The following PRDM15 variants were observed in gnomAD, a reference collection of about 807,000 sequenced individuals.
PRDM15 encodes the protein PR/SET domain 15.
A neutral mutation model predicts 128.6 loss-of-function variants in PRDM15; 64 were observed. The ratio of observed to expected loss-of-function variants is 0.50; its 90% CI spans 0.41 to 0.61. The LOEUF (loss-of-function observed/expected upper bound fraction) is 0.61. Among genes scored for constraint, PRDM15 ranks in the 20% least tolerant of loss-of-function variants. PRDM15 has a pLI of 0.00. For synonymous variants in PRDM15, 615 were observed against 621.8 expected, an observed-to-expected ratio of 0.99 and a Z score of 0.16; for missense variants, 1,242 against 1,569.1, an observed-to-expected ratio of 0.79 and a Z score of 3.52.
chr21:41,799,219 C>A lies in PRDM15; in HGVS notation c.*2021G>T, dbSNP rs1321595084. 2.0e-5 allele frequency: 3 copies of A among 152,132 alleles called. No individual in the cohort carries two copies. The highest frequency in any genetic ancestry group is 7.2e-5 in the African/African-American group (3 of 41,420). The allele number at this position is 152,132 out of a possible 1,614,324, so 9.4% of individuals were successfully genotyped here. ...GCCCAAAGCCCGTTGGGAGTCTCTGCGAGGTCATTTGCCCTTTAGATTCTG... is the reference window on the plus strand; with the variant it reads ...GCCCAAAGCCCGTTGGGAGTCTCTGAGAGGTCATTTGCCCTTTAGATTCTG... On this transcript the variant is annotated 3_prime_UTR_variant, in exon 24 of 24. Transcript: ENST00000398548.
intron 5 of PRDM15, among the ~76,000 whole-genome samples, chr21:41,852,124 T>C (rs1256226079): frequency 2.6e-5 from 4 of 152,196 alleles, no homozygotes; most frequent in African/African-American, 7.2e-5. Flanking sequence ...CAGCTCCAGA[T>C]TGAAGGGTCT....
chr21:41,859,040 G>A lies in PRDM15; in HGVS notation c.131+552C>T, dbSNP rs1342341273. On this transcript the variant is annotated intron_variant, in intron 3 of 23. Transcript: ENST00000398548. The surrounding 1 kb of genome is among the most constrained non-coding windows in gnomAD (Gnocchi z 5.3). ...CCTTGTCCAAGCTCACCTGCCCTGG[G>A]CCACCAGGTGGCACAGCCTCCCCCA... 2.6e-6 allele frequency: 4 copies of A among 1,558,120 alleles called. No individual in the cohort carries two copies. Among genetic ancestry groups the A allele is most frequent in the South Asian group, 1.2e-5 (1 of 84,720 alleles).
chr21:41,861,553 C>A (rs2063811749), intron 1 of PRDM15: 2 of 1,590,138 alleles, frequency 1.3e-6, no homozygotes, highest in African/African-American at 2.7e-5. Context: ...CAATCCCCAA[C>A]TGTGCGCACC....
At chr21:41,823,048 A>AAT in intron 14 of PRDM15, 1 of 378,432 alleles carries the variant, frequency 2.6e-6, no homozygotes, top group East Asian at 5.4e-5. Context: ...AAAAAAAAAA[A>AAT]GAATGGGATT....
At chr21:41,829,632 C>G (rs1043745702) in intron 11 of PRDM15, among the ~76,000 whole-genome samples, 4 of 148,444 alleles carry the variant, frequency 2.7e-5, no homozygotes, top group Non-Finnish European at 6.0e-5. Flanking sequence ...CACCTGCACT[C>G]AATACACACC....
At chr21:41,861,683 C>A in intron 1 of PRDM15, 1 of 1,614,200 alleles carries the variant, frequency 6.2e-7, no homozygotes, top group Non-Finnish European at 8.5e-7. Context: ...TCATCCCCAG[C>A]AGCTTGAAGG....
rs183032265 is a variant in PRDM15 at position 41,854,950 on chromosome 21, C to T, written c.286-132G>A. 146 of 1,022,450 alleles carry T rather than the reference C, an allele frequency of 1.4e-4. 1 individual carries two copies. In the Middle Eastern group the frequency reaches 3.8e-3, roughly 27 times the overall value. 63.3% of individuals were successfully genotyped at this position (1,022,450 alleles called of 1,614,324 possible). A position where few individuals can be genotyped will look rare whatever the true frequency, so the allele number is the denominator to read the frequency against. ...GTCAGAGGCCATAAGGGCTCCTGTA[C>T]GGGATGTTGAGGTGTTTACAATAGT... On this transcript the variant is annotated intron_variant, in intron 4 of 23. Coordinates refer to ENST00000398548, the MANE Select transcript of PRDM15 (RefSeq NM_001040424.3). This position sits in a 1 kb window ranked among gnomAD's most constrained non-coding sequence, Gnocchi z 4.6.
In PRDM15 at chr21:41,854,517, C is replaced by T. The variant is rs377087270; in HGVS notation, c.538+49G>A. The T allele has an allele frequency of 2.2e-5, 36 of 1,602,294 alleles. No homozygotes were observed. The highest frequency in any genetic ancestry group is 4.4e-5 in the South Asian group (4 of 90,592). On this transcript the variant is annotated intron_variant, in intron 5 of 23. Coordinates refer to ENST00000398548, the MANE Select transcript of PRDM15 (RefSeq NM_001040424.3). The surrounding 1 kb of genome is among the most constrained non-coding windows in gnomAD (Gnocchi z 4.6). ...CAGAGCCAAGGGACCATAACCCCTT[C>T]GGCGAGGCACAAGGGAAGGTGGGCT...
chr21:41,841,634 G>A (rs1430603427), intron 6 of PRDM15, among the ~76,000 whole-genome samples: 2 of 152,052 alleles, frequency 1.3e-5, no homozygotes, highest in Non-Finnish European at 2.9e-5. Context: ...GAAAAACAGA[G>A]CAAATTAGAA....
intron 1 of PRDM15, among the ~76,000 whole-genome samples, chr21:41,869,303 G>A (rs1044582177): frequency 6.6e-6 from 1 of 152,096 alleles, no homozygotes; most frequent in Non-Finnish European, 1.5e-5. Context: ...GGCTTTAAGA[G>A]GGAGTCTCAC....
In PRDM15 at chr21:41,810,280, C is replaced by G. The variant is rs766857865; in HGVS notation, c.2526G>C (p.Glu842Asp). 6.2e-7 allele frequency: 1 copy of G among 1,613,596 alleles called. No homozygotes were observed. The change falls in exon 21 of 24, where the codon GAG (glutamate) becomes GAC (aspartate). Residue 842 changes from glutamate (E) to aspartate (D), a missense_variant. Transcript: ENST00000398548. The surrounding 1 kb of genome is among the most constrained non-coding windows in gnomAD (Gnocchi z 6.4). ...CSVCDKKYVTEYMLQKHVQLT... is the reference protein window; with the variant it reads ...CSVCDKKYVTDYMLQKHVQLT... ...GCTGAACGTGCTTCTGCAGCATGTA[C>G]TCGGTCACGTACTTCTTGTCGCACA...
At chr21:41,829,054 TCA>T (rs1304912262) in intron 11 of PRDM15, among the ~76,000 whole-genome samples, 2 of 108,862 alleles carry the variant, frequency 1.8e-5, no homozygotes, top group East Asian at 2.9e-4. Context: ...AAATGCACAA[TCA>T]CACACACCAT....
intron 6 of PRDM15, among the ~76,000 whole-genome samples, chr21:41,843,749 T>C (rs547900261): frequency 6.6e-6 from 1 of 152,244 alleles, no homozygotes; most frequent in South Asian, 2.1e-4. Flanking sequence ...TGGGCCTGTC[T>C]GGGACAGCCT....
At chr21:41,873,102 T>C (rs2064273185) in intron 1 of PRDM15, among the ~76,000 whole-genome samples, 1 of 152,184 alleles carries the variant, frequency 6.6e-6, no homozygotes, top group African/African-American at 2.4e-5. Flanking sequence ...CTCCTCCTTG[T>C]CCCATGCCCT....
chr21:41,821,892 A>G lies in PRDM15; in HGVS notation c.1896+11T>C, dbSNP rs749085851. The G allele has an allele frequency of 1.2e-6, 2 of 1,611,022 alleles. No individual in the cohort carries two copies. Among genetic ancestry groups the G allele is most frequent in the Middle Eastern group, 1.7e-4 (1 of 5,870 alleles). On this transcript the variant is annotated intron_variant, in intron 15 of 23. Transcript: ENST00000398548. This position sits in a 1 kb window ranked among gnomAD's most constrained non-coding sequence, Gnocchi z 5.4. Reference sequence around the variant, plus strand: ...AGACCACCCAGGCACCGCGGGGCAAACCCGCCATACCTGGCACCGCTTGCA... The same window carrying G: ...AGACCACCCAGGCACCGCGGGGCAAGCCCGCCATACCTGGCACCGCTTGCA...
chr21:41,823,384 G>A lies in PRDM15; in HGVS notation c.1695C>T (p.Cys565=), dbSNP rs1051728928. 8.2e-6 allele frequency: 13 copies of A among 1,584,140 alleles called. No homozygotes were observed. The highest frequency in any genetic ancestry group is 1.4e-5 in the African/African-American group (1 of 74,064). The change falls in exon 14 of 24, where the codon TGC becomes TGT. Residue 565 remains cysteine, a synonymous_variant. Coordinates refer to ENST00000398548, the MANE Select transcript of PRDM15 (RefSeq NM_001040424.3). ...GGAAGAACTTGCGCCCGCAGATCTC[G>A]CAGGTGTACTTCTTGTCGCCGTGGG... ...LLTHGDKKYT[C]EICGRKFFRV... is the part of the protein sequence containing the mutation.
intron 6 of PRDM15, among the ~76,000 whole-genome samples, chr21:41,841,303 C>T (rs571218244): frequency 6.6e-6 from 1 of 152,326 alleles, no homozygotes; most frequent in South Asian, 2.1e-4. Flanking sequence ...GGAACAACTG[C>T]AGTGACAGCA....
Position 41,859,232 on chromosome 21 carries a change from G to C in PRDM15, c.131+360C>G. 2 of 1,613,314 alleles carry C rather than the reference G, an allele frequency of 1.2e-6. No individual in the cohort carries two copies. Among genetic ancestry groups the C allele is most frequent in the South Asian group, 1.1e-5 (1 of 90,996 alleles). On this transcript the variant is annotated intron_variant, in intron 3 of 23. Transcript: ENST00000398548. The surrounding 1 kb of genome is among the most constrained non-coding windows in gnomAD (Gnocchi z 5.3). ...GTGTCCGCTGGCAGGCCAAGACCTG[G>C]AATGCAGAGAGAAGCCAACGAGCAG...
At position 41,836,473 on chromosome 21, in the gene PRDM15, G is replaced by T; in HGVS notation, c.1178C>A (p.Ser393Ter). The change falls in exon 9 of 24, where the codon TCG becomes TAG. Residue 393 changes from serine to a stop codon, truncating the protein, a stop_gained. Transcript: ENST00000398548. LOFTEE classifies it high-confidence loss of function. ...GCCGGGCCTCGCGGACTCACCATGC[G>T]AGCGCACGTGCCTGCTCAGGTTGCT... is the stretch of plus-strand genomic sequence containing the variant. Reference protein sequence around the residue: ...NSSNLSRHVRSHGDKLFKCEE... With the variant: ...NSSNLSRHVR The T allele has an allele frequency of 6.2e-7, 1 of 1,609,678 alleles. No individual in the cohort carries two copies. The highest frequency in any genetic ancestry group is 8.5e-7 in the Non-Finnish European group (1 of 1,177,994).
Sources: allele counts gnomAD v4.1 joint callset (sites outside exome capture counted in the v4.1 genomes callset), GRCh38; gene constraint gnomAD v4.1.1; non-coding constraint Gnocchi (gnomAD v3.1); transcripts MANE v1.5; gene names NCBI Gene and HGNC (gene_info 2026-07-23, HGNC 2026-07-21).